TAF4B: variants seen among roughly 807,000 people sequenced by gnomAD.
TAF4B encodes TATA-box binding protein associated factor 4b, also known as transcription initiation factor TFIID subunit 4B.
TAF4B carries 38 observed loss-of-function variants against 86.4 expected under a neutral mutation model. The observed-to-expected ratio is 0.44, with a 90% CI of 0.34 to 0.58. The LOEUF is 0.58. TAF4B is among the 20% of genes least tolerant of loss of function. TAF4B has a pLI of 0.02. For synonymous variants in TAF4B, 388 were observed against 391.2 expected (o/e 0.99, Z 0.10); for missense variants, 988 against 1,027.6 (o/e 0.96, Z 0.53).
At chr18:26,306,591 G>T (rs1481442594) in intron 9 of TAF4B, among the ~76,000 whole-genome samples, 1 of 152,080 alleles carries the variant, frequency 6.6e-6, no homozygotes, top group Admixed American at 6.6e-5. Flanking sequence ...TTTTGGAAAA[G>T]GAGTATTTAT....
intron 1 of TAF4B, among the ~76,000 whole-genome samples, chr18:26,242,277 G>A (rs892818861): frequency 2.0e-5 from 3 of 152,104 alleles, no homozygotes; most frequent in Admixed American, 6.5e-5. Context: ...TCCTGTATTG[G>A]GTGCATATAT....
At chr18:26,262,837 T>G (rs1236200720) in intron 1 of TAF4B, among the ~76,000 whole-genome samples, 1 of 152,228 alleles carries the variant, frequency 6.6e-6, no homozygotes, top group African/African-American at 2.4e-5. Flanking sequence ...CAGTTATGCC[T>G]ATTTTACTGG....
At chr18:26,249,120 C>T (rs1389122725) in intron 1 of TAF4B, among the ~76,000 whole-genome samples, 10 of 148,624 alleles carry the variant, frequency 6.7e-5, no homozygotes, top group Admixed American at 1.4e-4. Context: ...TACAGTGAAC[C>T]GAGATTGTGC....
intron 1 of TAF4B, among the ~76,000 whole-genome samples, chr18:26,244,536 A>G (rs868639986): frequency 6.6e-6 from 1 of 152,098 alleles, no homozygotes; most frequent in East Asian, 1.9e-4. Context: ...GGGTGAGGCG[A>G]TGCCCCCGCA....
At chr18:26,309,774 A>G (rs2056835316) in intron 9 of TAF4B, among the ~76,000 whole-genome samples, 1 of 152,126 alleles carries the variant, frequency 6.6e-6, no homozygotes, top group South Asian at 2.1e-4. Flanking sequence ...AGATAAGGGG[A>G]TCAATGAATA....
At chr18:26,305,404 G>T (rs1271449844) in intron 9 of TAF4B, among the ~76,000 whole-genome samples, 1 of 151,920 alleles carries the variant, frequency 6.6e-6, no homozygotes, top group South Asian at 2.1e-4. Flanking sequence ...ATATGTTTTT[G>T]TTTTATTTTA....
intron 7 of TAF4B, among the ~76,000 whole-genome samples, chr18:26,289,639 A>G (rs1232331947): frequency 1.3e-5 from 2 of 152,120 alleles, no homozygotes; most frequent in Non-Finnish European, 2.9e-5. Flanking sequence ...GATGCAGACC[A>G]TCACACCCGG....
At chr18:26,316,384 CTT>C (rs2144667968) in intron 10 of TAF4B, among the ~76,000 whole-genome samples, 1 of 151,840 alleles carries the variant, frequency 6.6e-6, no homozygotes, top group East Asian at 1.9e-4. Context: ...TTTTCTTCTT[CTT>C]CTTCTTTTTT....
intron 3 of TAF4B, among the ~76,000 whole-genome samples, chr18:26,271,642 G>A (rs1360495587): frequency 6.6e-6 from 1 of 152,072 alleles, no homozygotes; most frequent in Non-Finnish European, 1.5e-5. Context: ...AGACACTTTG[G>A]GCCAGGCATG....
rs542518708 is a variant in TAF4B at position 26,293,896 on chromosome 18, C to T, written c.1832+365C>T. On this transcript the variant is annotated intron_variant, in intron 9 of 14. Coordinates refer to ENST00000269142, the MANE Select transcript of TAF4B (RefSeq NM_005640.3). ...TGAACTTCACATAAATGGAGTTTTACGTTATTATGTACCCTTTTGCATCAG... is the reference window on the plus strand; with the variant it reads ...TGAACTTCACATAAATGGAGTTTTATGTTATTATGTACCCTTTTGCATCAG... 5.9e-5 allele frequency among the ~76,000 whole-genome samples: 9 copies of T among 152,190 alleles called. No homozygotes were observed. In the East Asian group the frequency reaches 1.3e-3, roughly 23 times the overall value.
At chr18:26,346,873 A>G (rs12953598) in intron 13 of TAF4B, among the ~76,000 whole-genome samples, 788 of 12,222 alleles carry the variant, frequency 0.064, 117 homozygotes, top group Middle Eastern at 0.19. Context: ...ATATATATAT[A>G]TGTGTATATA....
intron 14 of TAF4B, among the ~76,000 whole-genome samples, chr18:26,372,698 C>T (rs766091086): frequency 1.3e-5 from 2 of 152,022 alleles, no homozygotes; most frequent in African/African-American, 2.4e-5. Flanking sequence ...CGGCTGGGCG[C>T]GGTGGCTCAT....
intron 14 of TAF4B, among the ~76,000 whole-genome samples, chr18:26,377,652 A>G (rs1445214184): frequency 6.6e-6 from 1 of 152,232 alleles, no homozygotes; most frequent in Non-Finnish European, 1.5e-5. Context: ...CACCATGGGA[A>G]TACCCAGGCG....
chr18:26,293,585 G>C (rs2056623902), intron 9 of TAF4B, 54 bp downstream of exon 9: 1 of 1,177,178 alleles, frequency 8.5e-7, no homozygotes, highest in African/African-American at 1.5e-5. Flanking sequence ...TTTTTAAAAA[G>C]GAGAGATGAC....
chr18:26,307,999 T>C (rs940389004), intron 9 of TAF4B, among the ~76,000 whole-genome samples: 1 of 152,060 alleles, frequency 6.6e-6, no homozygotes, highest in Non-Finnish European at 1.5e-5. Flanking sequence ...TCCCAGCTAC[T>C]TGGGAGGCTG....
Position 26,226,735 on chromosome 18 carries a change from A to C in TAF4B, c.-199A>C. On this transcript the variant is annotated 5_prime_UTR_variant, in exon 1 of 15. Transcript: ENST00000269142. ...CCGGGGGCAGCCCAGGCTCGCGCGGACGAGAGGAAGGTCCGGGACGCGCGT... is the reference window on the plus strand; with the variant it reads ...CCGGGGGCAGCCCAGGCTCGCGCGGCCGAGAGGAAGGTCCGGGACGCGCGT... 2.3e-6 allele frequency: 1 copy of C among 437,326 alleles called. No individual in the cohort carries two copies. Among genetic ancestry groups the C allele is most frequent in the Non-Finnish European group, 3.9e-6 (1 of 254,568 alleles). The allele number at this position is 437,326 out of a possible 1,614,324, so 27.1% of individuals were successfully genotyped here.
chr18:26,235,356 AG>A (rs1383814706), intron 1 of TAF4B, among the ~76,000 whole-genome samples: 1 of 152,156 alleles, frequency 6.6e-6, no homozygotes, highest in Non-Finnish European at 1.5e-5. Flanking sequence ...AAGCCAGTAT[AG>A]GTTGTATTTG....
At chr18:26,313,557 C>T (rs757338491) in intron 9 of TAF4B, among the ~76,000 whole-genome samples, 1 of 152,126 alleles carries the variant, frequency 6.6e-6, no homozygotes, top group East Asian at 1.9e-4. Context: ...TTTCTTTCCC[C>T]ATTACAGAGA....
intron 10 of TAF4B, 58 bp downstream of exon 10, chr18:26,315,456 T>A: frequency 7.2e-7 from 1 of 1,382,572 alleles, no homozygotes; most frequent in Non-Finnish European, 9.7e-7. Context: ...GGGAAAATAT[T>A]ATCAAAAGAG....
Sources: allele counts gnomAD v4.1 joint callset (sites outside exome capture counted in the v4.1 genomes callset), GRCh38; gene constraint gnomAD v4.1.1; transcripts MANE v1.5; gene names NCBI Gene and HGNC (gene_info 2026-07-23, HGNC 2026-07-21).